The following NME8 variants were observed in gnomAD, a reference collection of about 807,000 sequenced individuals.
The protein encoded by NME8 is NME/NM23 family member 8, also known as protein NME8.
NME8 carries 72 observed loss-of-function variants against 82.3 expected under a neutral mutation model. The ratio of observed to expected loss-of-function variants is 0.87; its 90% CI spans 0.72 to 1.06. NME8 has a LOEUF of 1.06. Ranked by LOEUF, NME8 falls within the 50% of genes least tolerant of loss-of-function variation. NME8 has a pLI of 0.00. For synonymous variants in NME8, 267 were observed against 228.5 expected (o/e 1.17, Z -1.52); for missense variants, 712 against 685.4 (o/e 1.04, Z -0.43).
chr7:37,884,801 G>A (rs1450742809), intron 13 of NME8, among the ~76,000 whole-genome samples: 1 of 152,212 alleles, frequency 6.6e-6, no homozygotes, highest in East Asian at 1.9e-4. Flanking sequence ...GAAAGAATGA[G>A]TTGCTAGAAA....
intron 12 of NME8, among the ~76,000 whole-genome samples, chr7:37,877,474 G>T (rs1467071814): frequency 1.3e-5 from 2 of 152,092 alleles, no homozygotes; most frequent in Admixed American, 6.6e-5. Flanking sequence ...GAGTGAATAT[G>T]GCAGAACAAG....
intron 17 of NME8, among the ~76,000 whole-genome samples, chr7:37,899,206 A>G (rs1390854144): frequency 1.3e-5 from 2 of 152,246 alleles, no homozygotes; most frequent in Non-Finnish European, 2.9e-5. Context: ...AGGAATATAA[A>G]TCCTTCTATA....
intron 5 of NME8, among the ~76,000 whole-genome samples, chr7:37,856,911 G>C (rs1031917055): frequency 2.6e-5 from 4 of 152,104 alleles, no homozygotes; most frequent in African/African-American, 9.7e-5. Flanking sequence ...TTGGGAGAGG[G>C]GCAGTAACGT....
rs1341209366 is a variant in NME8, at chr7:37,884,450, A to G, written c.1139+3A>G. The stretch of plus-strand genomic sequence containing the variant: ...AAACTTATAGAAAACATGACCAGGT[A>G]GAATCCAGGTTGAGAAAATTCAGTC... On this transcript the variant is annotated splice_donor_region_variant and intron_variant, in intron 13 of 17. Transcript: ENST00000199447. 3.1e-6 allele frequency: 5 copies of G among 1,608,472 alleles called. No individual in the cohort carries two copies. The highest frequency in any genetic ancestry group is 1.7e-5 in the Admixed American group (1 of 59,970).
chr7:37,899,032 A>C (rs1459652579), intron 17 of NME8, among the ~76,000 whole-genome samples: 1 of 152,110 alleles, frequency 6.6e-6, no homozygotes, highest in African/African-American at 2.4e-5. Context: ...TTTAAAAGAA[A>C]ATTCATGTAA....
At chr7:37,888,094 A>G (rs1785071093) in intron 14 of NME8, among the ~76,000 whole-genome samples, 183 bp from the exon 15 acceptor site, 1 of 152,100 alleles carries the variant, frequency 6.6e-6, no homozygotes, top group Non-Finnish European at 1.5e-5. Flanking sequence ...TTTCTTCCTA[A>G]TGACCGTTAT....
intron 12 of NME8, 116 bp downstream of exon 12, chr7:37,877,123 C>A: frequency 1.2e-6 from 1 of 815,970 alleles, no homozygotes; most frequent in South Asian, 1.6e-5. Flanking sequence ...GAAAACGCAC[C>A]TTAAGAAATT....
chr7:37,887,151 C>A (rs1435249533), intron 14 of NME8, among the ~76,000 whole-genome samples: 1 of 152,054 alleles, frequency 6.6e-6, no homozygotes, highest in Non-Finnish European at 1.5e-5. Flanking sequence ...GAAAAAATAC[C>A]AAAGAGCAAC....
chr7:37,857,396 A>G, intron 6 of NME8, 51 bp downstream of exon 6: 1 of 1,165,646 alleles, frequency 8.6e-7, no homozygotes. Context: ...GTTTGCAGTT[A>G]AGAACAAGTA....
At chr7:37,876,665 TATC>T (rs1401446548) in intron 11 of NME8, among the ~76,000 whole-genome samples, 164 bp from the exon 12 acceptor site, 1 of 149,114 alleles carries the variant, frequency 6.7e-6, no homozygotes. Flanking sequence ...TTGAATTAAG[TATC>T]ATATTCTTGG....
Position 37,861,998 on chromosome 7 carries a change from G to A in NME8, c.271-30G>A, listed in dbSNP as rs910173023. The A allele has an allele frequency of 2.2e-6, 3 of 1,394,708 alleles. No homozygotes were observed. The East Asian group carries it at 6.8e-5, about 32-fold the overall frequency. 86.4% of individuals were successfully genotyped at this position (1,394,708 alleles called of 1,614,324 possible). A position where few individuals can be genotyped will look rare whatever the true frequency, so the allele number is the denominator to read the frequency against. ...TTCTTGGTGTGTTCTCCAAATGAAA[G>A]TTCCCCTCCTGTTTTCATTTCCCTT... On this transcript the variant is annotated intron_variant, in intron 6 of 17. Coordinates refer to ENST00000199447, the MANE Select transcript of NME8 (RefSeq NM_016616.5).
chr7:37,883,557 T>C (rs866886091), intron 12 of NME8, among the ~76,000 whole-genome samples: 2 of 152,186 alleles, frequency 1.3e-5, no homozygotes, highest in Non-Finnish European at 2.9e-5. Flanking sequence ...TAGTCAATAT[T>C]TGTGCTTTTG....
intron 5 of NME8, among the ~76,000 whole-genome samples, chr7:37,852,055 G>C (rs2060712): frequency 0.52 from 78,435 of 151,928 alleles, 21,878 homozygotes; most frequent in Non-Finnish European, 0.65. Context: ...CTATTCAAGA[G>C]AGTAAGTGGC....
rs561287241 is a variant in NME8 at position 37,855,203 on chromosome 7, C to A, written c.199-2071C>A. Reference sequence around the variant, plus strand: ...AGTGACCAGGGGCATTTTCCAATATCAAAGAACTTTAAAAACAGTCTCTCA... The same window carrying A: ...AGTGACCAGGGGCATTTTCCAATATAAAAGAACTTTAAAAACAGTCTCTCA... On this transcript the variant is annotated intron_variant, in intron 5 of 17. Transcript: ENST00000199447. 4.2e-4 allele frequency among the ~76,000 whole-genome samples: 64 copies of A among 152,212 alleles called. No homozygotes were observed. In the South Asian group the frequency reaches 0.013, roughly 30 times the overall value.
intron 15 of NME8, among the ~76,000 whole-genome samples, chr7:37,888,862 G>A (rs1785083756): frequency 6.6e-6 from 1 of 150,928 alleles, no homozygotes; most frequent in Non-Finnish European, 1.5e-5. Context: ...TATTTTACTT[G>A]GTTTTTTTTT....
chr7:37,850,777 ATTAAGTTT>A, intron 5 of NME8, 42 bp downstream of exon 5: 1 of 1,317,154 alleles, frequency 7.6e-7, no homozygotes. Flanking sequence ...TTCACATTAT[ATTAAGTTT>A]TTAAGTATCC....
At chr7:37,881,649 G>A (rs902324371) in intron 12 of NME8, among the ~76,000 whole-genome samples, 3 of 152,090 alleles carry the variant, frequency 2.0e-5, no homozygotes, top group Non-Finnish European at 4.4e-5. Context: ...ATTATGGTAA[G>A]TCTGGCCTCA....
At chr7:37,887,831 G>T (rs566165449) in intron 14 of NME8, among the ~76,000 whole-genome samples, 87 of 152,286 alleles carry the variant, frequency 5.7e-4, no homozygotes, top group African/African-American at 1.8e-3. Flanking sequence ...AGCAGGGCTT[G>T]TAATACCAGG....
At chr7:37,881,617 T>C (rs895820963) in intron 12 of NME8, among the ~76,000 whole-genome samples, 5 of 152,230 alleles carry the variant, frequency 3.3e-5, no homozygotes, top group Non-Finnish European at 7.4e-5. Context: ...TAGTTTTCTT[T>C]CCTTGTAATA....
Sources: allele counts gnomAD v4.1 joint callset (sites outside exome capture counted in the v4.1 genomes callset), GRCh38; gene constraint gnomAD v4.1.1; transcripts MANE v1.5; gene names NCBI Gene and HGNC (gene_info 2026-07-23, HGNC 2026-07-21).